WASHC2C: variants seen among roughly 807,000 people sequenced by gnomAD.
The protein encoded by WASHC2C is WASH complex subunit 2C, also known as Vaccinia Penetration Factor.
Under a neutral mutation model 142.2 loss-of-function variants are expected in WASHC2C, and 73 were observed. The observed-to-expected ratio is 0.51, with a 90% CI of 0.43 to 0.62. WASHC2C has a LOEUF of 0.62. WASHC2C is among the 20% of genes least tolerant of loss of function. The pLI is 0.00. For synonymous variants in WASHC2C, 337 were observed against 565.5 expected (o/e 0.60, Z 5.73); for missense variants, 969 against 1,531.7 (o/e 0.63, Z 6.13).
chr10:45,743,999 G>A (rs1343732812), intron 6 of WASHC2C, among the ~76,000 whole-genome samples: 9 of 151,430 alleles, frequency 5.9e-5, no homozygotes, highest in African/African-American at 1.7e-4. Context: ...TGCCCGCCTC[G>A]GCCTCCCAAA....
intron 5 of WASHC2C, among the ~76,000 whole-genome samples, chr10:45,742,497 G>A (rs1488698936): frequency 3.9e-5 from 6 of 152,100 alleles, no homozygotes; most frequent in African/African-American, 1.4e-4. Flanking sequence ...AGTATTTTCG[G>A]TAGATATTGG....
At chr10:45,744,081 G>A (rs1161812187) in intron 6 of WASHC2C, among the ~76,000 whole-genome samples, 13 of 149,816 alleles carry the variant, frequency 8.7e-5, no homozygotes, top group East Asian at 2.0e-4. Flanking sequence ...TTTTTGAGCC[G>A]GAGTTTCTCT....
chr10:45,772,970 C>T (rs1291069519), intron 20 of WASHC2C, among the ~76,000 whole-genome samples: 4 of 150,630 alleles, frequency 2.7e-5, no homozygotes, highest in Admixed American at 6.6e-5. Flanking sequence ...GCTCAGGCAT[C>T]GTGTGCCTTG....
Position 45,746,627 on chromosome 10 carries a change from A to G in WASHC2C, c.712A>G (p.Ser238Gly), listed in dbSNP as rs2052868933. 3.0e-5 allele frequency: 48 copies of G among 1,613,642 alleles called. No homozygotes were observed. The highest frequency in any genetic ancestry group is 4.1e-5 in the Non-Finnish European group (48 of 1,179,662). Residue 238 changes from serine (S) to glycine (G), a missense_variant, in exon 8 of 31, where the codon AGT (serine) becomes GGT (glycine). Coordinates refer to ENST00000623400, the MANE Select transcript of WASHC2C (RefSeq NM_001330074.2). The stretch of plus-strand genomic sequence containing the variant: ...GTCAGATGAAGATTTTGCCCATCAC[A>G]GTGACAATGAACAAAACCAGGTAAG... The part of the protein sequence containing the change: ...EESDEDFAHH[S>G]DNEQNQHTTQ...
chr10:45,739,280 T>C (rs1308746139), intron 4 of WASHC2C, among the ~76,000 whole-genome samples: 1 of 148,858 alleles, frequency 6.7e-6, no homozygotes, highest in South Asian at 2.1e-4. Context: ...ACTAAAATGC[T>C]CGTAGGGTTT....
chr10:45,750,804 G>A lies in WASHC2C; in HGVS notation c.897G>A (p.Gly299=). 6.5e-7 allele frequency: 1 copy of A among 1,548,812 alleles called. No homozygotes were observed. Among genetic ancestry groups the A allele is most frequent in the Non-Finnish European group, 8.7e-7 (1 of 1,147,106 alleles). Residue 299 remains glycine (G), a synonymous_variant, in exon 10 of 31, where the codon GGG becomes GGA. Coordinates refer to ENST00000623400, the MANE Select transcript of WASHC2C (RefSeq NM_001330074.2). The part of the protein sequence containing the change: ...FADELAARIK[G]DAMGRVDEEP... ...ATGAGCTGGCTGCCCGCATCAAGGGGGATGCCATGGGTCGAGTGGACGAGG... is the reference window on the plus strand; with the variant it reads ...ATGAGCTGGCTGCCCGCATCAAGGGAGATGCCATGGGTCGAGTGGACGAGG...
At chr10:45,784,285 T>TACACACACAC (rs1169022901) in intron 23 of WASHC2C, among the ~76,000 whole-genome samples, 9 of 7,610 alleles carry the variant, frequency 1.2e-3, no homozygotes, top group South Asian at 8.8e-3. Context: ...TATATATATA[T>TACACACACAC]ATATACACAT....
rs573641226 is a variant in WASHC2C at position 45,763,730 on chromosome 10, G to A, written c.1737+241G>A. Among the ~76,000 whole-genome samples, 4 of 145,764 alleles carry A rather than the reference G, an allele frequency of 2.7e-5. No homozygotes were observed. The South Asian group carries it at 8.6e-4, about 31-fold the overall frequency. ...CGCAGTTCTTTTTTTTTTTTTTTCC[G>A]AGTTGGAGACTTTCTCTGTCACCCA... On this transcript the variant is annotated intron_variant, in intron 18 of 30. Transcript: ENST00000623400.
chr10:45,782,343 A>G (rs868980512), intron 23 of WASHC2C, among the ~76,000 whole-genome samples: 2,563 of 150,410 alleles, frequency 0.017, 18 homozygotes, highest in African/African-American at 0.059. Flanking sequence ...GAAGATAGAC[A>G]AATGGCCAAA....
At position 45,769,593 on chromosome 10, in the gene WASHC2C, G is replaced by A; in HGVS notation, c.2014G>A (p.Asp672Asn). 1.9e-6 allele frequency: 3 copies of A among 1,611,944 alleles called. No individual in the cohort carries two copies. The highest frequency in any genetic ancestry group is 2.5e-6 in the Non-Finnish European group (3 of 1,179,860). The change falls in exon 20 of 31, where the codon GAT (aspartate) becomes AAT (asparagine). Residue 672 changes from aspartate (D) to asparagine (N), a missense_variant. Coordinates refer to ENST00000623400, the MANE Select transcript of WASHC2C (RefSeq NM_001330074.2). ...TSLFEEDKED[D>N]LFAIAKDSQK... ...TCTCTTTGAGGAAGACAAAGAAGATGATCTTTTTGCCATTGCCAAGGACAG... is the reference window on the plus strand; with the variant it reads ...TCTCTTTGAGGAAGACAAAGAAGATAATCTTTTTGCCATTGCCAAGGACAG...
chr10:45,740,559 T>C (rs2051879586), intron 5 of WASHC2C, among the ~76,000 whole-genome samples: 1 of 152,214 alleles, frequency 6.6e-6, no homozygotes, highest in African/African-American at 2.4e-5. Flanking sequence ...TGAGAGAGAA[T>C]TGATTTCCAG....
chr10:45,767,044 A>G (rs2055916840), intron 19 of WASHC2C, among the ~76,000 whole-genome samples: 2 of 151,976 alleles, frequency 1.3e-5, no homozygotes, highest in African/African-American at 4.8e-5. Flanking sequence ...AGGCAGGCAG[A>G]TCACTTGAGG....
intron 19 of WASHC2C, among the ~76,000 whole-genome samples, chr10:45,768,234 G>GAAAAAAA (rs1169870861): frequency 2.7e-4 from 21 of 76,410 alleles, no homozygotes; most frequent in East Asian, 4.2e-4. Context: ...CTCGAAAAAG[G>GAAAAAAA]AAAAAAAAAA....
chr10:45,748,611 G>A (rs1554872375), intron 8 of WASHC2C, among the ~76,000 whole-genome samples: 1 of 152,106 alleles, frequency 6.6e-6, no homozygotes, highest in Non-Finnish European at 1.5e-5. Context: ...TTCAAAAACA[G>A]TACAGTATAG....
chr10:45,748,610 A>T (rs2053152047), intron 8 of WASHC2C, among the ~76,000 whole-genome samples: 1 of 152,150 alleles, frequency 6.6e-6, no homozygotes, highest in South Asian at 2.1e-4. Flanking sequence ...TTTCAAAAAC[A>T]GTACAGTATA....
chr10:45,743,366 G>A (rs1554869303), intron 5 of WASHC2C, 24 bp from the exon 6 acceptor site: 6 of 1,611,926 alleles, frequency 3.7e-6, no homozygotes, highest in Middle Eastern at 4.5e-4. Flanking sequence ...ATGTTTGACA[G>A]CCTATTCCTT....
At chr10:45,745,823 GGTTA>G (rs2052748013) in intron 7 of WASHC2C, among the ~76,000 whole-genome samples, 1 of 151,356 alleles carries the variant, frequency 6.6e-6, no homozygotes, top group African/African-American at 2.4e-5. Flanking sequence ...ACATTGTGCA[GGTTA>G]GTTACATATG....
Position 45,727,453 on chromosome 10 carries a change from G to A in WASHC2C, c.40G>A (p.Ala14Thr). 3.1e-6 allele frequency: 5 copies of A among 1,611,076 alleles called. No homozygotes were observed. The highest frequency in any genetic ancestry group is 4.2e-6 in the Non-Finnish European group (5 of 1,179,394). The change falls in exon 2 of 31, where the codon GCG (alanine) becomes ACG (threonine). Residue 14 changes from alanine (A) to threonine (T), a missense_variant. Transcript: ENST00000623400. ...GACCCCCGACCAGGAGCTGGTGCCG[G>A]CGTCGGAGCCCGTGTGGGAGCGGCC... is the stretch of plus-strand genomic sequence containing the variant. ...RTTPDQELVP[A>T]SEPVWERPWS...
At chr10:45,742,419 A>T (rs1243789413) in intron 5 of WASHC2C, among the ~76,000 whole-genome samples, 1 of 151,820 alleles carries the variant, frequency 6.6e-6, no homozygotes, top group South Asian at 2.1e-4. Context: ...GGTTCAAGAG[A>T]TTCTCCTGTC....
Sources: allele counts gnomAD v4.1 joint callset (sites outside exome capture counted in the v4.1 genomes callset), GRCh38; gene constraint gnomAD v4.1.1; transcripts MANE v1.5; gene names NCBI Gene and HGNC (gene_info 2026-07-23, HGNC 2026-07-21).